ATL1: variants seen among roughly 807,000 people sequenced by gnomAD.
The protein encoded by ATL1 is atlastin-1.
Under a neutral mutation model 75.5 loss-of-function variants are expected in ATL1, and 31 were observed. That is an observed-to-expected ratio of 0.41 (90% confidence interval 0.31 to 0.55). The LOEUF (loss-of-function observed/expected upper bound fraction) is 0.55, where lower values mean the gene tolerates loss of function less well. ATL1 is among the 20% of genes least tolerant of loss of function. The probability of loss-of-function intolerance (pLI) is 0.27; values close to 1 mark genes in which losing one functional copy is unlikely to be tolerated. For synonymous variants in ATL1, 226 were observed against 233.3 expected (o/e 0.97, Z 0.28); for missense variants, 405 against 662.6 (o/e 0.61, Z 4.27).
At chr14:50,547,354 TG>T (rs1283479196) in intron 1 of ATL1, among the ~76,000 whole-genome samples, 2 of 152,150 alleles carry the variant, frequency 1.3e-5, no homozygotes, top group Admixed American at 6.6e-5. Context: ...TAGAGGGCAT[TG>T]GTTGTACTTC....
intron 1 of ATL1, among the ~76,000 whole-genome samples, chr14:50,553,414 C>T (rs1168937609): frequency 6.6e-6 from 1 of 151,850 alleles, no homozygotes; most frequent in Non-Finnish European, 1.5e-5. Flanking sequence ...CAACCTCATT[C>T]CTGCAGGAAT....
At position 50,560,219 on chromosome 14, in the gene ATL1, A is replaced by T. The variant is rs747467422; in HGVS notation, c.-47A>T. 5 of 1,610,868 alleles carry T rather than the reference A, an allele frequency of 3.1e-6. No individual in the cohort carries two copies. The Admixed American group carries it at 8.4e-5, about 27-fold the overall frequency. ...AGCAACCTGCGGCCCCGGAGAAGGC[A>T]GCGAGCGCAGTGACAGCGCCTCACC... On this transcript the variant is annotated 5_prime_UTR_variant, in exon 1 of 14. Transcript: ENST00000358385.
chr14:50,626,820 C>T (rs2039525287), intron 11 of ATL1, among the ~76,000 whole-genome samples: 1 of 152,124 alleles, frequency 6.6e-6, no homozygotes. Context: ...TACAGTCACC[C>T]TACTGAGCTA....
chr14:50,596,193 G>T (rs1297506152), intron 6 of ATL1, among the ~76,000 whole-genome samples: 1 of 152,046 alleles, frequency 6.6e-6, no homozygotes. Flanking sequence ...TTCTAGTCAG[G>T]CATGGTAGCA....
chr14:50,605,679 G>A (rs2039311779), intron 6 of ATL1, among the ~76,000 whole-genome samples: 1 of 151,884 alleles, frequency 6.6e-6, no homozygotes, highest in Admixed American at 6.6e-5. Flanking sequence ...TTGTTAAAAT[G>A]TATTATCATT....
chr14:50,601,768 T>A (rs2039274020), intron 6 of ATL1, among the ~76,000 whole-genome samples: 1 of 152,238 alleles, frequency 6.6e-6, no homozygotes, highest in Non-Finnish European at 1.5e-5. Flanking sequence ...CATATCTATC[T>A]ATAAAATAAC....
intron 6 of ATL1, among the ~76,000 whole-genome samples, chr14:50,604,306 C>T (rs1251616762): frequency 1.3e-5 from 2 of 152,052 alleles, no homozygotes; most frequent in African/African-American, 4.8e-5. Flanking sequence ...ATCTGAGCCA[C>T]TTATTAAGCT....
intron 1 of ATL1, among the ~76,000 whole-genome samples, chr14:50,578,345 T>C (rs952527958): frequency 1.3e-5 from 2 of 152,174 alleles, no homozygotes; most frequent in Non-Finnish European, 2.9e-5. Context: ...AACATATAAA[T>C]GTAAAGTTCA....
At chr14:50,570,827 G>T (rs923955035) in intron 1 of ATL1, among the ~76,000 whole-genome samples, 1 of 152,016 alleles carries the variant, frequency 6.6e-6, no homozygotes, top group Non-Finnish European at 1.5e-5. Context: ...TGGTAACTCT[G>T]GAAGTCAGAA....
chr14:50,568,570 A>C (rs1595585686), intron 1 of ATL1, among the ~76,000 whole-genome samples: 1 of 152,126 alleles, frequency 6.6e-6, no homozygotes, highest in Non-Finnish European at 1.5e-5. Flanking sequence ...TTTGGATCTA[A>C]AGCAAAGCTC....
rs765367062 is a variant in ATL1 at position 50,614,526 on chromosome 14, A to G, written c.862+15A>G. The G allele has an allele frequency of 6.2e-7, 1 of 1,613,166 alleles. No individual in the cohort carries two copies. Among genetic ancestry groups the G allele is most frequent in the Admixed American group, 1.7e-5 (1 of 59,908 alleles). ...AAAATTGAAAGGTTTGTGTCTTTTA[A>G]TGAATATGTTTGCATCACTTAGTCT... On this transcript the variant is annotated intron_variant, in intron 8 of 13. Coordinates refer to ENST00000358385, the MANE Select transcript of ATL1 (RefSeq NM_015915.5).
chr14:50,611,436 T>C (rs2039365170), intron 6 of ATL1, among the ~76,000 whole-genome samples: 2 of 152,164 alleles, frequency 1.3e-5, no homozygotes, highest in Admixed American at 1.3e-4. Flanking sequence ...ATTTTAAACA[T>C]ATTTACTCAA....
rs2039599646 is a variant in ATL1, at chr14:50,633,040, TA to T, written c.*706del. On this transcript the variant is annotated 3_prime_UTR_variant, in exon 14 of 14. Transcript: ENST00000358385. ...TAAAGTTTACTCTGGTTCCTAAGAT[TA>T]AAAACAAATGCTTACTGAATTTGAA... 6.6e-6 allele frequency: 1 copy of T among 152,184 alleles called. No homozygotes were observed. Among genetic ancestry groups the T allele is most frequent in the Non-Finnish European group, 1.5e-5 (1 of 67,994 alleles). 9.4% of individuals were successfully genotyped at this position (152,184 alleles called of 1,614,324 possible). A position where few individuals can be genotyped will look rare whatever the true frequency, so the allele number is the denominator to read the frequency against.
At chr14:50,600,656 T>C (rs551099683) in intron 6 of ATL1, among the ~76,000 whole-genome samples, 4 of 152,318 alleles carry the variant, frequency 2.6e-5, no homozygotes, top group Admixed American at 2.6e-4. Context: ...GAAATTTCGA[T>C]TTAGCAATCT....
At chr14:50,602,305 G>C (rs1322304157) in intron 6 of ATL1, among the ~76,000 whole-genome samples, 1 of 152,160 alleles carries the variant, frequency 6.6e-6, no homozygotes, top group East Asian at 1.9e-4. Context: ...GGCTGTGGTG[G>C]TGGAGAGGGT....
At chr14:50,539,351 G>A (rs532055385) in intron 1 of ATL1, among the ~76,000 whole-genome samples, 1 of 152,320 alleles carries the variant, frequency 6.6e-6, no homozygotes, top group Middle Eastern at 3.4e-3. Flanking sequence ...GCTTCTGTGA[G>A]AGTACATGAA....
chr14:50,601,943 C>A (rs755107630), intron 6 of ATL1, among the ~76,000 whole-genome samples: 3 of 152,108 alleles, frequency 2.0e-5, no homozygotes, highest in African/African-American at 4.8e-5. Flanking sequence ...TGTCTTGTCA[C>A]GTGCGATAGA....
intron 1 of ATL1, among the ~76,000 whole-genome samples, chr14:50,565,881 G>A (rs1388484814): frequency 6.6e-6 from 1 of 152,152 alleles, no homozygotes; most frequent in African/African-American, 2.4e-5. Context: ...TGTAAAACGT[G>A]TTCAGTTTTA....
chr14:50,553,633 G>C (rs1367774923), intron 1 of ATL1, among the ~76,000 whole-genome samples: 2 of 152,116 alleles, frequency 1.3e-5, no homozygotes, highest in East Asian at 3.9e-4. Flanking sequence ...GTCATTATGT[G>C]AAAAAGATGA....
Sources: gnomAD v4.1 joint callset for allele counts (sites outside exome capture counted in the v4.1 genomes callset) on GRCh38, gnomAD v4.1.1 for gene constraint, MANE v1.5 for transcripts, NCBI Gene and HGNC (gene_info 2026-07-23, HGNC 2026-07-21) for gene names.